The following NT5DC1 variants were observed in gnomAD, a reference collection of about 807,000 sequenced individuals.
The protein encoded by NT5DC1 is 5'-nucleotidase domain containing 1, also known as 5'-nucleotidase domain-containing protein 1.
A neutral mutation model predicts 59.4 loss-of-function variants in NT5DC1; 42 were observed. The observed-to-expected ratio is 0.71, with a 90% CI of 0.55 to 0.92. The LOEUF is 0.92. NT5DC1 is among the 40% of genes least tolerant of loss of function. The pLI, the probability that NT5DC1 is intolerant of heterozygous loss-of-function variation, is 0.00. For missense variants in NT5DC1, 501 were observed against 537.1 expected, an observed-to-expected ratio of 0.93 and a Z score of 0.66; for synonymous variants, 172 against 188.1, an observed-to-expected ratio of 0.91 and a Z score of 0.70.
chr6:116,177,164 T>C (rs1780752643), intron 6 of NT5DC1, among the ~76,000 whole-genome samples: 1 of 152,234 alleles, frequency 6.6e-6, no homozygotes, highest in Non-Finnish European at 1.5e-5. Context: ...TTAAGTCTTT[T>C]GTTACTTGAG....
At chr6:116,231,106 CAAA>C (rs34948626) in intron 8 of NT5DC1, among the ~76,000 whole-genome samples, 3 of 69,986 alleles carry the variant, frequency 4.3e-5, no homozygotes, top group African/African-American at 1.1e-4. Context: ...AACTCCGTCT[CAAA>C]AAAAAAAAAA....
Position 116,110,947 on chromosome 6 carries a change from T to G in NT5DC1, c.355T>G (p.Cys119Gly), listed in dbSNP as rs1778863522. Reference sequence around the variant, plus strand: ...CTTCTTGTCGGACACTGGAATGGCTTGCCGCTCAGGTATGACTCAAATGAG... The same window carrying G: ...CTTCTTGTCGGACACTGGAATGGCTGGCCGCTCAGGTATGACTCAAATGAG... ...KHFLSDTGMA[C>G]RSGKYYFYDN... is the part of the protein sequence containing the mutation. The change falls in exon 4 of 12, where the codon TGC (cysteine) becomes GGC (glycine). Residue 119 changes from cysteine to glycine, a missense_variant. By Grantham distance (159) the Cys-to-Gly change is radical. Coordinates refer to ENST00000319550, the MANE Select transcript of NT5DC1 (RefSeq NM_152729.3). The G allele has an allele frequency of 1.9e-6, 3 of 1,609,720 alleles. No individual in the cohort carries two copies. Among genetic ancestry groups the G allele is most frequent in the African/African-American group, 2.7e-5 (2 of 74,924 alleles).
At chr6:116,162,726 C>T (rs969249376) in intron 6 of NT5DC1, among the ~76,000 whole-genome samples, 2 of 152,008 alleles carry the variant, frequency 1.3e-5, no homozygotes, top group African/African-American at 4.8e-5. Context: ...GATATTGGCC[C>T]ATAGTTTTCT....
chr6:116,177,276 A>G (rs1405815209), intron 6 of NT5DC1, among the ~76,000 whole-genome samples: 5 of 152,182 alleles, frequency 3.3e-5, no homozygotes, highest in Admixed American at 2.0e-4. Flanking sequence ...TTCATGACAT[A>G]CTTTTCAATT....
In NT5DC1 at chr6:116,179,078, CTTCTTATTTAT is replaced by C. The variant is rs567814401; in HGVS notation, c.530-41973_530-41963del. Among the ~76,000 whole-genome samples, 18 of 152,136 alleles carry C rather than the reference CTTCTTATTTAT, an allele frequency of 1.2e-4. No individual in the cohort carries two copies. In the East Asian group the frequency reaches 3.3e-3, roughly 28 times the overall value. On this transcript the variant is annotated intron_variant, in intron 6 of 11. Transcript: ENST00000319550. ...ATTCGATATGTTCATGCTGTTTTTT[CTTCTTATTTAT>C]TTAACATAAGTAGAGATATTTAGCT...
At chr6:116,212,297 G>C (rs1390769948) in intron 6 of NT5DC1, among the ~76,000 whole-genome samples, 2 of 152,026 alleles carry the variant, frequency 1.3e-5, no homozygotes, top group African/African-American at 4.8e-5. Context: ...AGGTGGAAAA[G>C]TATAGTGAAA....
intron 2 of NT5DC1, 108 bp downstream of exon 2, chr6:116,106,443 T>G (rs1305608765): frequency 1.5e-6 from 1 of 646,826 alleles, no homozygotes; most frequent in Non-Finnish European, 2.7e-6. Flanking sequence ...GAATGTGAAA[T>G]GTGAGATTGA....
intron 8 of NT5DC1, among the ~76,000 whole-genome samples, chr6:116,235,962 A>G (rs376417714): frequency 9.2e-5 from 14 of 152,178 alleles, no homozygotes; most frequent in African/African-American, 2.9e-4. Context: ...AGCAGGGACT[A>G]TGGTAATTTT....
intron 6 of NT5DC1, chr6:116,120,521 G>A (rs144424564): frequency 1.1e-5 from 17 of 1,613,966 alleles, no homozygotes; most frequent in Non-Finnish European, 1.4e-5. Flanking sequence ...AGAAAGACTG[G>A]GCCTTTGGCC....
chr6:116,197,406 T>A (rs1221486253), intron 6 of NT5DC1, among the ~76,000 whole-genome samples: 2 of 152,016 alleles, frequency 1.3e-5, no homozygotes, highest in Non-Finnish European at 2.9e-5. Flanking sequence ...TTTAAAATGC[T>A]AAGCAGAATT....
At chr6:116,219,961 CAAAAAAAAA>C (rs1170500016) in intron 6 of NT5DC1, among the ~76,000 whole-genome samples, 4 of 36,246 alleles carry the variant, frequency 1.1e-4, no homozygotes, top group Non-Finnish European at 1.9e-4. Flanking sequence ...GACTCTGTCT[CAAAAAAAAA>C]AAAAAAAAAA....
chr6:116,191,418 C>T (rs377751186), intron 6 of NT5DC1, among the ~76,000 whole-genome samples: 28 of 152,012 alleles, frequency 1.8e-4, no homozygotes, highest in Middle Eastern at 6.8e-3. Flanking sequence ...AGGAGATTCA[C>T]GGGAAAGAAG....
In NT5DC1 at chr6:116,110,931, G is replaced by C. The variant is rs746490840; in HGVS notation, c.339G>C (p.Ser113=). Residue 113 remains serine, a synonymous_variant, in exon 4 of 12, where the codon TCG becomes TCC. Transcript: ENST00000319550. Reference sequence around the variant, plus strand: ...AGAAAGAGTGGAAGCACTTCTTGTCGGACACTGGAATGGCTTGCCGCTCAG... The same window carrying C: ...AGAAAGAGTGGAAGCACTTCTTGTCCGACACTGGAATGGCTTGCCGCTCAG... ...YGKKEWKHFL[S]DTGMACRSGK... is the part of the protein sequence containing the mutation. 1.2e-5 allele frequency: 19 copies of C among 1,613,122 alleles called. No homozygotes were observed. Among genetic ancestry groups the C allele is most frequent in the Non-Finnish European group, 1.4e-5 (17 of 1,179,124 alleles).
At chr6:116,178,902 T>A (rs550066013) in intron 6 of NT5DC1, among the ~76,000 whole-genome samples, 2 of 152,334 alleles carry the variant, frequency 1.3e-5, no homozygotes, top group East Asian at 3.9e-4. Context: ...TTACTCGATA[T>A]GCATTTCCAG....
intron 6 of NT5DC1, among the ~76,000 whole-genome samples, chr6:116,126,822 A>G (rs1473141533): frequency 1.3e-5 from 2 of 152,126 alleles, no homozygotes; most frequent in Non-Finnish European, 2.9e-5. Flanking sequence ...ATTTCAGGAG[A>G]AAAAAATTTT....
At chr6:116,121,086 C>CCAT in intron 6 of NT5DC1, 1 of 1,613,954 alleles carries the variant, frequency 6.2e-7, no homozygotes. Context: ...CCTTGGGGTC[C>CCAT]CATATTCCCA....
Position 116,203,499 on chromosome 6 carries a change from C to T in NT5DC1, c.530-17555C>T, listed in dbSNP as rs908140128. ...ATTTTCCTGCATCTAGTGGCTCTTC[C>T]TCAACATTATGCTCCTATAATGTCT... On this transcript the variant is annotated intron_variant, in intron 6 of 11. Coordinates refer to ENST00000319550, the MANE Select transcript of NT5DC1 (RefSeq NM_152729.3). 2.0e-5 allele frequency among the ~76,000 whole-genome samples: 3 copies of T among 151,768 alleles called. No homozygotes were observed. The East Asian group carries it at 5.8e-4, about 30-fold the overall frequency.
At chr6:116,146,271 T>C (rs1204062657) in intron 6 of NT5DC1, among the ~76,000 whole-genome samples, 2 of 152,222 alleles carry the variant, frequency 1.3e-5, no homozygotes, top group African/African-American at 4.8e-5. Context: ...TCAAAAGTTA[T>C]CTAGGCTTCA....
intron 2 of NT5DC1, among the ~76,000 whole-genome samples, chr6:116,107,802 G>A (rs1778795307): frequency 6.6e-6 from 1 of 151,992 alleles, no homozygotes; most frequent in South Asian, 2.1e-4. Context: ...TCGATCTCCT[G>A]ACCTCGTGAT....
Sources: allele counts gnomAD v4.1 joint callset (sites outside exome capture counted in the v4.1 genomes callset), GRCh38; gene constraint gnomAD v4.1.1; transcripts MANE v1.5; gene names NCBI Gene and HGNC (gene_info 2026-07-23, HGNC 2026-07-21).